Variants in GDF9 observed in about 807,000 individuals in gnomAD.
GDF9 encodes growth/differentiation factor 9.
In GDF9, 30 loss-of-function variants were observed where a neutral mutation model predicts 33.8. That is an observed-to-expected ratio of 0.89 (90% CI 0.66 to 1.20). The LOEUF is 1.20. Ranked by LOEUF, GDF9 falls within the 50% of genes most tolerant of loss-of-function variation. The pLI is 0.00. For missense variants in GDF9, 556 were observed against 543.7 expected (o/e 1.02, Z -0.22); for synonymous variants, 205 against 200.7 (o/e 1.02, Z -0.18).
rs1759582428 is a variant in GDF9, at chr5:132,866,068, A to C, written c.-1535T>G. The C allele has an allele frequency of 6.6e-6, 1 of 152,152 alleles. No homozygotes were observed. The allele number at this position is 152,152 out of a possible 1,614,324, so 9.4% of individuals were successfully genotyped here. On this transcript the variant is annotated 5_prime_UTR_variant, in exon 1 of 2. Coordinates refer to ENST00000687138, the MANE Select transcript of GDF9 (RefSeq NM_005260.7). ...GGGAACGTTAACAGCCTGCCAGGGG[A>C]CTCTAAAACAGAGTCCAAGAGAAGC...
rs1252290589 is a variant in GDF9, at chr5:132,863,435, A to G, written c.397+702T>C. On this transcript the variant is annotated intron_variant, in intron 1 of 1. Coordinates refer to ENST00000687138, the MANE Select transcript of GDF9 (RefSeq NM_005260.7). The stretch of plus-strand genomic sequence containing the variant: ...ATGGTTTTAAATCAAGAGCTGGTAG[A>G]TATATACTTTTTTTTTTTTTTTTGA... Among the ~76,000 whole-genome samples, 3 of 138,564 alleles carry G rather than the reference A, an allele frequency of 2.2e-5. No homozygotes were observed. The Admixed American group carries it at 2.4e-4, about 11-fold the overall frequency. The allele number at this position is 138,564 out of a possible 152,430, so 90.9% of individuals were successfully genotyped here.
At chr5:132,866,632 C>T, upstream of GDF9, 1 of 580,416 alleles carries the variant, frequency 1.7e-6, no homozygotes, top group Non-Finnish European at 3.1e-6. Context: ...CCAACCTTGC[C>T]GGAAATGACG....
chr5:132,862,262 A>C lies in GDF9; in HGVS notation c.692T>G (p.Ile231Ser). Residue 231 changes from isoleucine to serine, a missense_variant, in exon 2 of 2, where the codon ATT becomes AGT. Transcript: ENST00000687138. Reference sequence around the variant, plus strand: ...GCAAGTAAAATTTATAGACATGTGAATACTTCTCTTGTTGGAGGCCACTAA... The same window carrying C: ...GCAAGTAAAATTTATAGACATGTGACTACTTCTCTTGTTGGAGGCCACTAA... ...QPLVASNKRS[I>S]HMSINFTCMK... is the part of the protein sequence containing the mutation. The C allele has an allele frequency of 6.2e-7, 1 of 1,613,900 alleles. No homozygotes were observed. Among genetic ancestry groups the C allele is most frequent in the Non-Finnish European group, 8.5e-7 (1 of 1,179,734 alleles).
At chr5:132,866,573 G>A (rs1235219191), upstream of GDF9, 1 of 469,554 alleles carries the variant, frequency 2.1e-6, no homozygotes, top group Non-Finnish European at 3.9e-6. Flanking sequence ...AGAGACAGTA[G>A]GAAAATGGTA....
At position 132,864,632 on chromosome 5, in the gene GDF9, T is replaced by C; in HGVS notation, c.-99A>G. The C allele has an allele frequency of 8.0e-7, 1 of 1,251,654 alleles. No homozygotes were observed. The highest frequency in any genetic ancestry group is 1.7e-5 in the Admixed American group (1 of 57,434). 77.5% of individuals were successfully genotyped at this position (1,251,654 alleles called of 1,614,324 possible). On this transcript the variant is annotated 5_prime_UTR_variant, in exon 1 of 2. Coordinates refer to ENST00000687138, the MANE Select transcript of GDF9 (RefSeq NM_005260.7). ...TGGTCTCTTAAATAAATTTCAGGTG[T>C]GTGGGTGGACTACGGTCACTTCTGT...
intron 1 of GDF9, 95 bp downstream of exon 1, chr5:132,864,042 A>G: frequency 1.5e-6 from 2 of 1,296,002 alleles, no homozygotes; most frequent in Admixed American, 1.7e-5. Flanking sequence ...ATAAAATACA[A>G]TTCAAGGAAC....
At position 132,862,558 on chromosome 5, in the gene GDF9, TAAG is replaced by T. The variant is rs1561464629; in HGVS notation, c.398-5_398-3del. The T allele has an allele frequency of 1.2e-6, 2 of 1,602,290 alleles. No homozygotes were observed. Among genetic ancestry groups the T allele is most frequent in the Admixed American group, 1.7e-5 (1 of 59,928 alleles). The stretch of plus-strand genomic sequence containing the variant: ...GCAGTTCCACTGATGGAAGGATTCC[TAAG>T]AAGAAAAAAAATCTACCAGTAGTGC... On this transcript the variant is annotated splice_polypyrimidine_tract_variant and splice_region_variant and intron_variant, in intron 1 of 1. Coordinates refer to ENST00000687138, the MANE Select transcript of GDF9 (RefSeq NM_005260.7).
Position 132,865,626 on chromosome 5 carries a change from G to A in GDF9, c.-1093C>T, listed in dbSNP as rs183833525. Reference sequence around the variant, plus strand: ...AAGCCAGTTTGTGCAGTACCTACATGAGAAAACTAAGGTATGTCTGCAAAA... The same window carrying A: ...AAGCCAGTTTGTGCAGTACCTACATAAGAAAACTAAGGTATGTCTGCAAAA... On this transcript the variant is annotated 5_prime_UTR_variant, in exon 1 of 2. Transcript: ENST00000687138. 2.6e-5 allele frequency: 4 copies of A among 152,312 alleles called. No individual in the cohort carries two copies. Among genetic ancestry groups the A allele is most frequent in the African/African-American group, 9.6e-5 (4 of 41,566 alleles). The allele number at this position is 152,312 out of a possible 1,614,324, so 9.4% of individuals were successfully genotyped here. A position where few individuals can be genotyped will look rare whatever the true frequency, so the allele number is the denominator to read the frequency against.
Position 132,862,094 on chromosome 5 carries a change from G to A in GDF9, c.860C>T (p.Pro287Leu), listed in dbSNP as rs1358602611. 6.2e-7 allele frequency: 1 copy of A among 1,613,978 alleles called. No individual in the cohort carries two copies. Among genetic ancestry groups the A allele is most frequent in the Non-Finnish European group, 8.5e-7 (1 of 1,179,868 alleles). Residue 287 changes from proline (P) to leucine (L), a missense_variant, in exon 2 of 2, where the codon CCT (proline) becomes CTT (leucine). Physicochemically the swap from Pro to Leu is moderately conservative, Grantham distance 98. Transcript: ENST00000687138. ...TCTCTCCTGGTCAGGACCCTGGGAA[G>A]GCCTCCTTTTATAGTGAAGGGAATA... ...SWYSLHYKRRPSQGPDQERSL... is the reference protein window; with the variant it reads ...SWYSLHYKRRLSQGPDQERSL...
intron 1 of GDF9, among the ~76,000 whole-genome samples, chr5:132,863,804 G>A (rs1267159103): frequency 1.3e-5 from 2 of 152,172 alleles, no homozygotes; most frequent in South Asian, 2.1e-4. Flanking sequence ...CACACCAATA[G>A]CTGTAAGAGA....
Position 132,861,924 on chromosome 5 carries a change from T to G in GDF9, c.1030A>C (p.Arg344=), listed in dbSNP as rs752946903. 12 of 1,613,900 alleles carry G rather than the reference T, an allele frequency of 7.4e-6. No homozygotes were observed. The highest frequency in any genetic ancestry group is 1.3e-5 in the African/African-American group (1 of 74,934). Residue 344 remains arginine, a synonymous_variant, in exon 2 of 2, where the codon AGA becomes CGA. Coordinates refer to ENST00000687138, the MANE Select transcript of GDF9 (RefSeq NM_005260.7). ...PASFNLSEYF[R]QFLLPQNECE... ...TCATTTTGGGGAAGAAGAAATTGTCTGAAGTATTCACTCAGATTGAAGGAA... is the reference window on the plus strand; with the variant it reads ...TCATTTTGGGGAAGAAGAAATTGTCGGAAGTATTCACTCAGATTGAAGGAA...
At position 132,864,485 on chromosome 5, in the gene GDF9, G is replaced by A. The variant is rs991296975; in HGVS notation, c.49C>T (p.Leu17=). The stretch of plus-strand genomic sequence containing the variant: ...GAACCAAGGCTAATAGGAAAACACA[G>A]CCAGGCAAAGCAGCAAAACCAAAGG... The part of the protein sequence containing the change: ...FLLWFCCFAW[L]CFPISLGSQA... The change falls in exon 1 of 2, where the codon CTG becomes TTG. Residue 17 remains leucine (L), a synonymous_variant. Coordinates refer to ENST00000687138, the MANE Select transcript of GDF9 (RefSeq NM_005260.7). The A allele has an allele frequency of 1.7e-5, 28 of 1,612,670 alleles. No homozygotes were observed. The highest frequency in any genetic ancestry group is 2.7e-5 in the African/African-American group (2 of 74,908).
In GDF9 at chr5:132,866,101, G is replaced by A. The variant is rs30180; in HGVS notation, c.-1568C>T. On this transcript the variant is annotated 5_prime_UTR_variant, in exon 1 of 2. Coordinates refer to ENST00000687138, the MANE Select transcript of GDF9 (RefSeq NM_005260.7). ...ACAGAGTCCAAGAGAAGCCTTCGAT[G>A]TGTGTCCCTGATTTTGGTGCTGGGG... 83,274 of 152,132 alleles carry A rather than the reference G, an allele frequency of 0.55. 23,057 individuals carry two copies. The highest frequency in any genetic ancestry group is 0.61 in the South Asian group (2,972 of 4,836). 9.4% of individuals were successfully genotyped at this position (152,132 alleles called of 1,614,324 possible). A position where few individuals can be genotyped will look rare whatever the true frequency, so the allele number is the denominator to read the frequency against.
Position 132,864,124 on chromosome 5 carries a change from T to G in GDF9, c.397+13A>C, listed in dbSNP as rs1039391108. The G allele has an allele frequency of 1.2e-6, 2 of 1,613,938 alleles. No individual in the cohort carries two copies. The highest frequency in any genetic ancestry group is 1.7e-6 in the Non-Finnish European group (2 of 1,179,934). On this transcript the variant is annotated intron_variant, in intron 1 of 1. Transcript: ENST00000687138. ...CTTCCCTCCACCCAGTTAACCAATCTGCTTTCACATACCTGTTACCTGGTC... is the reference window on the plus strand; with the variant it reads ...CTTCCCTCCACCCAGTTAACCAATCGGCTTTCACATACCTGTTACCTGGTC...
rs745755437 is a variant in GDF9 at position 132,862,160 on chromosome 5, A to C, written c.794T>G (p.Leu265Ter). ...CTGAGCACTTGTGTCATTCAAATAT[A>C]AGATCAGTGAGGGGGACACCAGAGT... ...NMTLVSPSLILYLNDTSAQAY... is the reference protein window; with the variant it reads ...NMTLVSPSLI The change falls in exon 2 of 2, where the codon TTA becomes TGA. Residue 265 changes from leucine to a stop codon, truncating the protein, a stop_gained. Coordinates refer to ENST00000687138, the MANE Select transcript of GDF9 (RefSeq NM_005260.7). LOFTEE classifies it high-confidence loss of function. 104 of 1,613,336 alleles carry C rather than the reference A, an allele frequency of 6.4e-5. No homozygotes were observed. The highest frequency in any genetic ancestry group is 7.9e-5 in the Non-Finnish European group (93 of 1,179,350).
chr5:132,861,410 T>C lies in GDF9; in HGVS notation c.*179A>G. 1 of 623,172 alleles carries C rather than the reference T, an allele frequency of 1.6e-6. No individual in the cohort carries two copies. Among genetic ancestry groups the C allele is most frequent in the East Asian group, 2.7e-5 (1 of 37,680 alleles). The allele number at this position is 623,172 out of a possible 1,614,324, so 38.6% of individuals were successfully genotyped here. A position where few individuals can be genotyped will look rare whatever the true frequency, so the allele number is the denominator to read the frequency against. On this transcript the variant is annotated 3_prime_UTR_variant, in exon 2 of 2. Coordinates refer to ENST00000687138, the MANE Select transcript of GDF9 (RefSeq NM_005260.7). ...ATAAAAAAAGGCTCTGTAGCAACAA[T>C]TGATGTTATCCCTTTATCCTGATAG...
At position 132,864,223 on chromosome 5, in the gene GDF9, T is replaced by G; in HGVS notation, c.311A>C (p.Lys104Thr). 1 of 1,614,208 alleles carries G rather than the reference T, an allele frequency of 6.2e-7. No individual in the cohort carries two copies. The highest frequency in any genetic ancestry group is 1.1e-5 in the South Asian group (1 of 91,080). ...KTYATKEGIPKSNRSHLYNTV... is the reference protein window; with the variant it reads ...KTYATKEGIPTSNRSHLYNTV... ...GTTGTAGAGGTGACTTCTATTGGAT[T>G]TAGGAATCCCTTCCTTGGTAGCATA... is the stretch of plus-strand genomic sequence containing the variant. The change falls in exon 1 of 2, where the codon AAA becomes ACA. Residue 104 changes from lysine (K) to threonine (T), a missense_variant. Transcript: ENST00000687138.
rs748063025 is a variant in GDF9, at chr5:132,864,280, G to A, written c.254C>T (p.Ala85Val). ...ATAGAGCTTCTTCATGTAGTGCAAA[G>A]CTCTGGAGTCTGGCTGCAGCCTAGG... The part of the protein sequence containing the change: ...GSPRLQPDSR[A>V]LHYMKKLYKT... Residue 85 changes from alanine to valine, a missense_variant, in exon 1 of 2, where the codon GCT becomes GTT. Ala to Val is a moderately conservative substitution (Grantham distance 64). Transcript: ENST00000687138. 1.9e-6 allele frequency: 3 copies of A among 1,614,230 alleles called. No homozygotes were observed. Among genetic ancestry groups the A allele is most frequent in the East Asian group, 2.2e-5 (1 of 44,888 alleles).
At chr5:132,863,993 C>A (rs1363998995) in intron 1 of GDF9, 144 bp downstream of exon 1, 1 of 859,618 alleles carries the variant, frequency 1.2e-6, no homozygotes, top group Non-Finnish European at 1.9e-6. Context: ...AAGCTCAAGT[C>A]CCAGATTTGT....
Sources: gnomAD v4.1 joint callset for allele counts (sites outside exome capture counted in the v4.1 genomes callset) on GRCh38, gnomAD v4.1.1 for gene constraint, MANE v1.5 for transcripts, NCBI Gene and HGNC (gene_info 2026-07-23, HGNC 2026-07-21) for gene names.